Variants in PHF20 observed in about 807,000 individuals in gnomAD.
PHF20 encodes the protein PHD finger protein 20, also known as glioma-expressed antigen 2.
Under a neutral mutation model 113.5 loss-of-function variants are expected in PHF20, and 23 were observed. That is an observed-to-expected ratio of 0.20 (90% CI 0.15 to 0.29). The LOEUF is 0.29. Among genes scored for constraint, PHF20 ranks in the 10% least tolerant of loss-of-function variants. The probability of loss-of-function intolerance (pLI) is 1.00; values close to 1 mark genes in which losing one functional copy is unlikely to be tolerated. For synonymous variants in PHF20, 434 were observed against 457.3 expected (o/e 0.95, Z 0.65); for missense variants, 943 against 1,219.6 (o/e 0.77, Z 3.38).
chr20:35,933,180 C>T (rs1373901845), intron 15 of PHF20, among the ~76,000 whole-genome samples: 1 of 150,624 alleles, frequency 6.6e-6, no homozygotes, highest in Non-Finnish European at 1.5e-5. Context: ...CTCACAGGTG[C>T]GATCATCAAG....
Position 35,881,070 on chromosome 20 carries a change from T to TTTTTTTTTTTC in PHF20, c.1282+9241_1282+9242insTTTTTTTTTTC, listed in dbSNP as rs1491351439. 5.5e-5 allele frequency among the ~76,000 whole-genome samples: 8 copies of TTTTTTTTTTTC among 145,272 alleles called. 1 individual carries two copies. The highest frequency in any genetic ancestry group is 1.8e-4 in the African/African-American group (7 of 38,704). On this transcript the variant is annotated intron_variant, in intron 9 of 17. Coordinates refer to ENST00000374012, the MANE Select transcript of PHF20 (RefSeq NM_016436.5). Reference sequence around the variant, plus strand: ...TACCTTTTTTTTTTTTTTTTTTTTTTCTGAGACGGAGTTTCTCGCTCTTGT... The same window carrying TTTTTTTTTTTC: ...TACCTTTTTTTTTTTTTTTTTTTTTTTTTTTTTTTTCCTGAGACGGAGTTTCTCGCTCTTGT...
intron 2 of PHF20, among the ~76,000 whole-genome samples, chr20:35,809,686 C>G (rs971348545): frequency 1.3e-5 from 2 of 150,572 alleles, no homozygotes; most frequent in African/African-American, 4.9e-5. Context: ...GATTTCAAGA[C>G]CAGCCTGGAC....
intron 2 of PHF20, among the ~76,000 whole-genome samples, chr20:35,836,674 T>G (rs908175613): frequency 9.9e-5 from 15 of 151,382 alleles, no homozygotes; most frequent in Non-Finnish European, 1.9e-4. Context: ...GAAACCCCAT[T>G]TCTACTAAAA....
chr20:35,848,569 A>G (rs558517819), intron 4 of PHF20, among the ~76,000 whole-genome samples: 5 of 152,168 alleles, frequency 3.3e-5, no homozygotes, highest in Non-Finnish European at 7.4e-5. Flanking sequence ...TTAGAAAAGT[A>G]TTTTTCAGGC....
chr20:35,790,558 T>A (rs1193354214), intron 1 of PHF20, among the ~76,000 whole-genome samples: 1 of 152,144 alleles, frequency 6.6e-6, no homozygotes, highest in African/African-American at 2.4e-5. Flanking sequence ...TAGGTGCTGG[T>A]GATATCCTCA....
intron 1 of PHF20, among the ~76,000 whole-genome samples, chr20:35,788,563 C>T (rs1569118469): frequency 1.3e-5 from 2 of 151,454 alleles, no homozygotes; most frequent in African/African-American, 4.9e-5. Flanking sequence ...TCCATTTTGC[C>T]AGTGAGAAGG....
At chr20:35,802,691 A>G (rs538241976) in intron 2 of PHF20, among the ~76,000 whole-genome samples, 37 of 152,086 alleles carry the variant, frequency 2.4e-4, no homozygotes, top group Non-Finnish European at 4.6e-4. Context: ...TAATCCCAGC[A>G]CTTTGGGAGG....
chr20:35,853,091 G>A (rs79002569), intron 4 of PHF20, among the ~76,000 whole-genome samples: 26 of 150,274 alleles, frequency 1.7e-4, no homozygotes, highest in East Asian at 6.0e-4. Context: ...GCTTGGTGGC[G>A]CGCACCTGTA....
chr20:35,839,377 C>G (rs1246594295), intron 2 of PHF20, among the ~76,000 whole-genome samples: 7 of 124,044 alleles, frequency 5.6e-5, no homozygotes, highest in African/African-American at 2.0e-4. Context: ...GGTGACAGAA[C>G]GAGATTCCAT....
At chr20:35,946,681 A>ATTTTATTTAT (rs1285197573) in intron 17 of PHF20, among the ~76,000 whole-genome samples, 1 of 144,406 alleles carries the variant, frequency 6.9e-6, no homozygotes, top group African/African-American at 2.6e-5. Context: ...ATTTTATTTT[A>ATTTTATTTAT]TTTATTTTAT....
At chr20:35,852,000 C>G (rs1028225287) in intron 4 of PHF20, among the ~76,000 whole-genome samples, 1 of 152,022 alleles carries the variant, frequency 6.6e-6, no homozygotes, top group African/African-American at 2.4e-5. Flanking sequence ...TGTGACAGGC[C>G]CTGTGCTAGG....
chr20:35,805,436 G>A (rs959407853), intron 2 of PHF20, among the ~76,000 whole-genome samples: 3 of 150,780 alleles, frequency 2.0e-5, no homozygotes, highest in Non-Finnish European at 4.4e-5. Flanking sequence ...AGGCTGGAGT[G>A]CAGTGGCGCA....
At chr20:35,944,608 C>G (rs1192315694) in intron 17 of PHF20, among the ~76,000 whole-genome samples, 3 of 152,084 alleles carry the variant, frequency 2.0e-5, no homozygotes, top group African/African-American at 7.2e-5. Flanking sequence ...CTTGCTCTTT[C>G]TCGCCCAGGC....
intron 1 of PHF20, among the ~76,000 whole-genome samples, chr20:35,792,231 A>G (rs554687389): frequency 6.6e-6 from 1 of 152,106 alleles, no homozygotes; most frequent in South Asian, 2.1e-4. Flanking sequence ...CTCTGTCGCC[A>G]GGCTGGAGTG....
chr20:35,896,021 T>G (rs1018006570), intron 9 of PHF20, among the ~76,000 whole-genome samples: 4 of 152,116 alleles, frequency 2.6e-5, no homozygotes, highest in African/African-American at 9.7e-5. Context: ...CTAATTGATC[T>G]GGCATCTTTT....
At chr20:35,827,909 G>A (rs1048698735) in intron 2 of PHF20, among the ~76,000 whole-genome samples, 2 of 152,082 alleles carry the variant, frequency 1.3e-5, no homozygotes, top group African/African-American at 2.4e-5. Context: ...TGTAAAAAGG[G>A]GGCAGTAATA....
intron 2 of PHF20, among the ~76,000 whole-genome samples, chr20:35,809,262 A>T (rs2041936022): frequency 6.6e-6 from 1 of 151,392 alleles, no homozygotes; most frequent in Non-Finnish European, 1.5e-5. Context: ...GAAAAAAAAA[A>T]CAAAGTTTCA....
chr20:35,800,201 T>C (rs1262285260), intron 1 of PHF20: 2 of 152,164 alleles, frequency 1.3e-5, no homozygotes, highest in Non-Finnish European at 2.9e-5. Flanking sequence ...TTTATTGTTC[T>C]ATGATTAAAA....
chr20:35,785,558 G>C (rs2041392027), intron 1 of PHF20, among the ~76,000 whole-genome samples: 1 of 151,760 alleles, frequency 6.6e-6, no homozygotes, highest in African/African-American at 2.4e-5. Flanking sequence ...GACCTCAGGT[G>C]ATCCTCCCGC....
Sources: gnomAD v4.1 joint callset for allele counts (sites outside exome capture counted in the v4.1 genomes callset) on GRCh38, gnomAD v4.1.1 for gene constraint, MANE v1.5 for transcripts, NCBI Gene and HGNC (gene_info 2026-07-23, HGNC 2026-07-21) for gene names.